The following KIFAP3 variants were observed in gnomAD, a reference collection of about 807,000 sequenced individuals.
The protein encoded by KIFAP3 is kinesin associated protein 3, also known as kinesin-associated protein 3.
KIFAP3 carries 68 observed loss-of-function variants against 106.5 expected under a neutral mutation model. The observed-to-expected ratio is 0.64, with a 90% CI of 0.53 to 0.78. KIFAP3 has a LOEUF of 0.78. KIFAP3 is among the 30% of genes least tolerant of loss of function. The probability of loss-of-function intolerance (pLI) is 0.00; values close to 1 mark genes in which losing one functional copy is unlikely to be tolerated. For synonymous variants in KIFAP3, 320 were observed against 311.5 expected, an observed-to-expected ratio of 1.03 and a Z score of -0.29; for missense variants, 780 against 941.8, an observed-to-expected ratio of 0.83 and a Z score of 2.25.
At chr1:170,071,328 A>C (rs1167725517) in intron 1 of KIFAP3, among the ~76,000 whole-genome samples, 1 of 152,240 alleles carries the variant, frequency 6.6e-6, no homozygotes, top group Non-Finnish European at 1.5e-5. Flanking sequence ...AGGTAGAAAC[A>C]ACCCAAATGT....
chr1:170,035,253 G>T (rs747021828), intron 6 of KIFAP3, among the ~76,000 whole-genome samples: 12 of 151,954 alleles, frequency 7.9e-5, no homozygotes, highest in Non-Finnish European at 1.5e-4. Context: ...ACTGAGGCAT[G>T]AGTGGGTATA....
At chr1:169,996,776 G>A in intron 10 of KIFAP3, among the ~76,000 whole-genome samples, 1 of 152,082 alleles carries the variant, frequency 6.6e-6, no homozygotes, top group East Asian at 1.9e-4. Context: ...ACGATCTGCT[G>A]GACCTGGGAC....
At chr1:170,020,316 G>C (rs1317739489) in intron 9 of KIFAP3, among the ~76,000 whole-genome samples, 1 of 151,846 alleles carries the variant, frequency 6.6e-6, no homozygotes, top group Non-Finnish European at 1.5e-5. Flanking sequence ...AACATTGGCA[G>C]CCTCTTACTG....
intron 2 of KIFAP3, 80 bp downstream of exon 2, chr1:170,055,225 C>A: frequency 7.9e-7 from 1 of 1,259,044 alleles, no homozygotes; most frequent in Non-Finnish European, 1.1e-6. Context: ...ATCACCTATG[C>A]TGATCAAAAT....
intron 7 of KIFAP3, among the ~76,000 whole-genome samples, chr1:170,033,649 G>A (rs867810418): frequency 7.2e-5 from 11 of 151,818 alleles, no homozygotes; most frequent in African/African-American, 2.6e-4. Context: ...TATTGCTTTA[G>A]TATACAATAC....
intron 19 of KIFAP3, among the ~76,000 whole-genome samples, chr1:169,928,993 GTGCAGGT>G (rs1663309420): frequency 6.6e-6 from 1 of 152,054 alleles, no homozygotes; most frequent in African/African-American, 2.4e-5. Flanking sequence ...AAGAAGAGAT[GTGCAGGT>G]TGAACGAAAT....
chr1:169,934,226 C>T (rs914536689), intron 19 of KIFAP3, among the ~76,000 whole-genome samples: 5 of 152,090 alleles, frequency 3.3e-5, no homozygotes, highest in Non-Finnish European at 7.4e-5. Flanking sequence ...GAGATTTATG[C>T]CTCCACATAA....
chr1:169,975,665 A>C (rs1050759872), intron 16 of KIFAP3, among the ~76,000 whole-genome samples: 3 of 151,916 alleles, frequency 2.0e-5, no homozygotes, highest in Non-Finnish European at 4.4e-5. Context: ...TCCAGGCTGG[A>C]GTGCAATGGC....
At chr1:170,065,561 C>A (rs1671399249) in intron 1 of KIFAP3, among the ~76,000 whole-genome samples, 1 of 142,238 alleles carries the variant, frequency 7.0e-6, no homozygotes, top group African/African-American at 2.7e-5. Flanking sequence ...TTGCAGTGAG[C>A]CAAGATCATG....
At chr1:169,953,938 A>T in intron 19 of KIFAP3, 73 bp downstream of exon 19, 1 of 942,548 alleles carries the variant, frequency 1.1e-6, no homozygotes, top group Non-Finnish European at 1.7e-6. Context: ...AGAGAAATGG[A>T]GAGTGAAGAG....
At chr1:170,021,937 C>CTTTTTTTTTTTTTTT (rs1668853847) in intron 9 of KIFAP3, among the ~76,000 whole-genome samples, 1 of 116,512 alleles carries the variant, frequency 8.6e-6, no homozygotes, top group African/African-American at 3.3e-5. Context: ...TCTTTCTTTT[C>CTTTTTTTTTTTTTTT]TTTCTTTTTT....
intron 1 of KIFAP3, among the ~76,000 whole-genome samples, chr1:170,080,074 A>C (rs1205775844): frequency 1.3e-5 from 2 of 152,114 alleles, no homozygotes; most frequent in Non-Finnish European, 2.9e-5. Context: ...AATTAGTAAT[A>C]TCATAGAATA....
At chr1:169,989,990 A>G (rs1430383687) in intron 11 of KIFAP3, 7 of 1,478,210 alleles carry the variant, frequency 4.7e-6, no homozygotes, top group Admixed American at 4.6e-5. Flanking sequence ...AATTACCTTC[A>G]TAAGTACGAT....
chr1:170,084,366 A>G (rs1359498427), intron 1 of KIFAP3, among the ~76,000 whole-genome samples: 2 of 152,250 alleles, frequency 1.3e-5, no homozygotes, highest in African/African-American at 4.8e-5. Flanking sequence ...ATGTCCAATC[A>G]CAGTGCATGG....
chr1:169,961,336 G>C, intron 17 of KIFAP3, 101 bp from the exon 18 acceptor site: 3 of 788,712 alleles, frequency 3.8e-6, no homozygotes, highest in Non-Finnish European at 6.3e-6. Flanking sequence ...GCCCTTCACT[G>C]GGTCAGAGGA....
intron 9 of KIFAP3, among the ~76,000 whole-genome samples, chr1:170,018,943 T>C (rs1668665655): frequency 6.6e-6 from 1 of 151,952 alleles, no homozygotes; most frequent in Non-Finnish European, 1.5e-5. Flanking sequence ...AAACACAAAA[T>C]AAGAGCTGAT....
chr1:169,960,283 A>G (rs602556), intron 18 of KIFAP3, among the ~76,000 whole-genome samples: 142,239 of 152,100 alleles, frequency 0.94, 66,598 homozygotes, highest in East Asian at 0.99. Flanking sequence ...AGATATAATC[A>G]CCTTAATGAT....
chr1:169,966,718 TG>T (rs1487581517), intron 17 of KIFAP3, among the ~76,000 whole-genome samples: 1 of 20,216 alleles, frequency 4.9e-5, no homozygotes, highest in African/African-American at 2.9e-4. Flanking sequence ...AATGGATAAC[TG>T]GAAAATATTT....
intron 10 of KIFAP3, among the ~76,000 whole-genome samples, chr1:170,005,270 T>A (rs984947533): frequency 5.3e-5 from 8 of 152,328 alleles, no homozygotes; most frequent in Middle Eastern, 3.4e-3. Flanking sequence ...GACTGTAAAC[T>A]AGTTCAACCA....
Sources: allele counts gnomAD v4.1 joint callset (sites outside exome capture counted in the v4.1 genomes callset), GRCh38; gene constraint gnomAD v4.1.1; transcripts MANE v1.5; gene names NCBI Gene and HGNC (gene_info 2026-07-23, HGNC 2026-07-21).